Variants in LHFPL2 observed in about 807,000 individuals in gnomAD.
LHFPL2 encodes LHFPL tetraspan subfamily member 2 protein.
In LHFPL2, 7 loss-of-function variants were observed where a neutral mutation model predicts 17.5. The observed-to-expected ratio is 0.40, with a 90% confidence interval of 0.23 to 0.75. LHFPL2 has a LOEUF of 0.75. Ranked by LOEUF, LHFPL2 falls within the 30% of genes least tolerant of loss-of-function variation. LHFPL2 has a pLI of 0.37. For synonymous variants in LHFPL2, 134 were observed against 116.2 expected (o/e 1.15, Z -0.99); for missense variants, 241 against 294.8 (o/e 0.82, Z 1.34).
intron 2 of LHFPL2, among the ~76,000 whole-genome samples, chr5:78,600,582 G>T (rs527745538): frequency 2.6e-5 from 4 of 152,050 alleles, no homozygotes; most frequent in Non-Finnish European, 5.9e-5. Context: ...TACAAAATTA[G>T]CCAGGCATGG....
intron 3 of LHFPL2, among the ~76,000 whole-genome samples, chr5:78,561,342 G>A (rs958333995): frequency 9.2e-5 from 14 of 152,204 alleles, no homozygotes; most frequent in South Asian, 2.1e-4. Flanking sequence ...GCAGCCACAC[G>A]GGGAGATGCT....
chr5:78,637,744 C>T (rs1745506103), intron 1 of LHFPL2, among the ~76,000 whole-genome samples: 1 of 152,228 alleles, frequency 6.6e-6, no homozygotes, highest in African/African-American at 2.4e-5. Flanking sequence ...GGGGAAGCAT[C>T]ACGGAGAGAG....
rs1561352310 is a variant in LHFPL2, at chr5:78,584,993, G to GTTTTTTTT, written c.-244-20123_-244-20122insAAAAAAAA. Among the ~76,000 whole-genome samples, 130 of 84,768 alleles carry GTTTTTTTT rather than the reference G, an allele frequency of 1.5e-3. 24 individuals carry two copies. The highest frequency in any genetic ancestry group is 6.0e-3 in the African/African-American group (122 of 20,186). The allele number at this position is 84,768 out of a possible 152,430, so 55.6% of individuals were successfully genotyped here. A position where few individuals can be genotyped will look rare whatever the true frequency, so the allele number is the denominator to read the frequency against. On this transcript the variant is annotated intron_variant, in intron 2 of 4. Coordinates refer to ENST00000380345, the MANE Select transcript of LHFPL2 (RefSeq NM_005779.3). ...GCGGGATATAATCTCCTGGTGCGCT[G>GTTTTTTTT]TGTTTTTTTTTTTTTTTTTTTTTTT...
chr5:78,536,765 T>C (rs1755961161), intron 3 of LHFPL2, among the ~76,000 whole-genome samples: 1 of 152,204 alleles, frequency 6.6e-6, no homozygotes, highest in African/African-American at 2.4e-5. Flanking sequence ...AATCACAATA[T>C]ACAACACTTG....
At chr5:78,576,756 TTTTG>T (rs146601165) in intron 2 of LHFPL2, among the ~76,000 whole-genome samples, 2 of 152,212 alleles carry the variant, frequency 1.3e-5, no homozygotes, top group Admixed American at 6.5e-5. Context: ...GACAATCTTT[TTTTG>T]TTTGTTTGTT....
At chr5:78,493,351 C>T (rs1754509238) in intron 4 of LHFPL2, among the ~76,000 whole-genome samples, 1 of 152,210 alleles carries the variant, frequency 6.6e-6, no homozygotes, top group Non-Finnish European at 1.5e-5. Context: ...GACAAGCATC[C>T]CTCAGGCACA....
chr5:78,506,365 G>A (rs751659), intron 4 of LHFPL2, among the ~76,000 whole-genome samples: 30,165 of 152,240 alleles, frequency 0.2, 5,106 homozygotes, highest in African/African-American at 0.45. Context: ...CACAGCCTGA[G>A]TGTATTTCTA....
At chr5:78,541,192 C>T (rs1194965951) in intron 3 of LHFPL2, among the ~76,000 whole-genome samples, 1 of 152,142 alleles carries the variant, frequency 6.6e-6, no homozygotes, top group Non-Finnish European at 1.5e-5. Context: ...GACTCTAAAT[C>T]CTCCGCCTTG....
chr5:78,594,138 A>G (rs1209885769), intron 2 of LHFPL2, among the ~76,000 whole-genome samples: 1 of 152,230 alleles, frequency 6.6e-6, no homozygotes. Flanking sequence ...GGGGCCAGAC[A>G]GTTATCCTGG....
chr5:78,621,032 A>G (rs572008263), intron 2 of LHFPL2, among the ~76,000 whole-genome samples: 21 of 149,028 alleles, frequency 1.4e-4, no homozygotes, highest in Middle Eastern at 3.4e-3. Context: ...TAGTGGCTCG[A>G]TCTCGGCTCA....
intron 2 of LHFPL2, among the ~76,000 whole-genome samples, chr5:78,565,918 T>C (rs1756847876): frequency 1.3e-5 from 2 of 152,234 alleles, no homozygotes; most frequent in African/African-American, 4.8e-5. Context: ...GTTAGCTTTT[T>C]CTTTTTGCAC....
At chr5:78,504,057 G>T (rs1037692860) in intron 4 of LHFPL2, among the ~76,000 whole-genome samples, 2 of 152,158 alleles carry the variant, frequency 1.3e-5, no homozygotes, top group African/African-American at 2.4e-5. Flanking sequence ...AAAGGCTGAT[G>T]AATTAGGAAA....
rs554955952 is a variant in LHFPL2, at chr5:78,528,194, T to C, written c.-185-17796A>G. Among the ~76,000 whole-genome samples the C allele has an allele frequency of 3.9e-5, 6 of 152,356 alleles. No individual in the cohort carries two copies. In the East Asian group the frequency reaches 1.2e-3, roughly 29 times the overall value. On this transcript the variant is annotated intron_variant, in intron 3 of 4. Coordinates refer to ENST00000380345, the MANE Select transcript of LHFPL2 (RefSeq NM_005779.3). Reference sequence around the variant, plus strand: ...TTCTATTGTTCTAACTCAACTCTGCTGACACACTCTCCATTTTATGCTCTA... The same window carrying C: ...TTCTATTGTTCTAACTCAACTCTGCCGACACACTCTCCATTTTATGCTCTA...
intron 1 of LHFPL2, among the ~76,000 whole-genome samples, chr5:78,632,903 A>G (rs1745304952): frequency 1.3e-5 from 2 of 152,176 alleles, no homozygotes; most frequent in Admixed American, 1.3e-4. Flanking sequence ...GCCAAACTAG[A>G]GGGCAAGCAA....
chr5:78,537,396 A>G (rs1755981758), intron 3 of LHFPL2, among the ~76,000 whole-genome samples: 1 of 152,196 alleles, frequency 6.6e-6, no homozygotes, highest in Non-Finnish European at 1.5e-5. Flanking sequence ...GGGAAAAAAA[A>G]GATCTATTTT....
intron 2 of LHFPL2, among the ~76,000 whole-genome samples, chr5:78,631,317 G>A (rs543310787): frequency 2.0e-4 from 31 of 152,290 alleles, no homozygotes; most frequent in African/African-American, 7.5e-4. Flanking sequence ...CTCTCCAAGG[G>A]AAGCCAAGGG....
chr5:78,514,081 T>A (rs1212630805), intron 3 of LHFPL2, among the ~76,000 whole-genome samples: 1 of 152,138 alleles, frequency 6.6e-6, no homozygotes, highest in Non-Finnish European at 1.5e-5. Flanking sequence ...GACAGAACCT[T>A]ATTAACCACA....
intron 3 of LHFPL2, among the ~76,000 whole-genome samples, chr5:78,533,477 G>A (rs935614026): frequency 7.2e-5 from 11 of 152,188 alleles, no homozygotes; most frequent in African/African-American, 2.7e-4. Flanking sequence ...AGTAGGGGAT[G>A]GGCGGTGTAG....
At chr5:78,559,573 A>T (rs34518711) in intron 3 of LHFPL2, among the ~76,000 whole-genome samples, 4,841 of 152,256 alleles carry the variant, frequency 0.032, 116 homozygotes, top group Non-Finnish European at 0.054. Context: ...AAAGAACTAC[A>T]TCCATTTTGT....
Sources: gnomAD v4.1 joint callset for allele counts (sites outside exome capture counted in the v4.1 genomes callset) on GRCh38, gnomAD v4.1.1 for gene constraint, MANE v1.5 for transcripts, NCBI Gene and HGNC (gene_info 2026-07-23, HGNC 2026-07-21) for gene names.